The following EPHA6 variants were observed in gnomAD, a reference collection of about 807,000 sequenced individuals.
EPHA6 encodes ephrin type-A receptor 6.
Under a neutral mutation model 112.0 loss-of-function variants are expected in EPHA6, and 50 were observed. The observed-to-expected ratio is 0.45, with a 90% CI of 0.36 to 0.56. EPHA6 has a LOEUF of 0.56. Ranked by LOEUF, EPHA6 falls within the 20% of genes least tolerant of loss-of-function variation. EPHA6 has a pLI of 0.00. For missense variants in EPHA6, 1,280 were observed against 1,417.4 expected (o/e 0.90, Z 1.56); for synonymous variants, 529 against 490.7 (o/e 1.08, Z -1.03).
At chr3:97,455,644 TTA>T (rs975489717) in intron 7 of EPHA6, among the ~76,000 whole-genome samples, 1 of 152,052 alleles carries the variant, frequency 6.6e-6, no homozygotes, top group African/African-American at 2.4e-5. Flanking sequence ...AGAAGACTAT[TTA>T]TAAATCTCAG....
At chr3:97,011,233 G>T (rs1442103039) in intron 3 of EPHA6, among the ~76,000 whole-genome samples, 1 of 152,166 alleles carries the variant, frequency 6.6e-6, no homozygotes, top group Non-Finnish European at 1.5e-5. Flanking sequence ...AACTGTACAG[G>T]AGTGTGCATG....
intron 5 of EPHA6, among the ~76,000 whole-genome samples, chr3:97,334,478 C>CTTTTTT (rs1354125066): frequency 1.3e-4 from 17 of 128,044 alleles, no homozygotes; most frequent in African/African-American, 5.0e-4. Context: ...TTTTTTTCTT[C>CTTTTTT]TTTTTTTTTT....
At chr3:97,627,954 A>G (rs2093872432) in intron 13 of EPHA6, among the ~76,000 whole-genome samples, 2 of 152,096 alleles carry the variant, frequency 1.3e-5, no homozygotes, top group African/African-American at 4.8e-5. Context: ...AAGTTGGAAA[A>G]CTACTGAAAT....
chr3:97,714,389 C>A (rs1011665174), intron 14 of EPHA6, among the ~76,000 whole-genome samples: 1 of 152,122 alleles, frequency 6.6e-6, no homozygotes, highest in African/African-American at 2.4e-5. Flanking sequence ...TTCAAACTTT[C>A]TTCAAGTAAA....
At chr3:96,841,371 T>C (rs2107323915) in intron 1 of EPHA6, among the ~76,000 whole-genome samples, 1 of 152,204 alleles carries the variant, frequency 6.6e-6, no homozygotes, top group South Asian at 2.1e-4. Context: ...TTTAACTTAG[T>C]GGTATTGGGG....
intron 3 of EPHA6, among the ~76,000 whole-genome samples, chr3:97,040,687 T>A (rs1460854720): frequency 6.6e-6 from 1 of 152,110 alleles, no homozygotes; most frequent in African/African-American, 2.4e-5. Flanking sequence ...TGAAATAAAA[T>A]AGTTTTATTC....
chr3:97,379,246 T>C (rs1457358219), intron 5 of EPHA6, among the ~76,000 whole-genome samples: 1 of 152,184 alleles, frequency 6.6e-6, no homozygotes, highest in African/African-American at 2.4e-5. Context: ...TCCCCAGCCA[T>C]GTGGAACTGA....
chr3:97,696,019 C>G (rs140325330), intron 14 of EPHA6, among the ~76,000 whole-genome samples: 2 of 152,182 alleles, frequency 1.3e-5, no homozygotes, highest in African/African-American at 4.8e-5. Flanking sequence ...AAGATATTTA[C>G]CAAGTTGAAT....
chr3:97,531,161 G>T (rs1401530126), intron 10 of EPHA6, among the ~76,000 whole-genome samples: 1 of 151,874 alleles, frequency 6.6e-6, no homozygotes, highest in African/African-American at 2.4e-5. Context: ...ATCCTTATGG[G>T]AATGAGAGAT....
chr3:97,185,619 T>C (rs182842915), intron 3 of EPHA6, among the ~76,000 whole-genome samples: 3 of 152,052 alleles, frequency 2.0e-5, no homozygotes, highest in African/African-American at 4.8e-5. Context: ...TTGGTGGGAA[T>C]GTAAACTAGC....
chr3:96,823,423 T>C (rs1196773389), intron 1 of EPHA6, among the ~76,000 whole-genome samples: 1 of 151,852 alleles, frequency 6.6e-6, no homozygotes, highest in Non-Finnish European at 1.5e-5. Flanking sequence ...TACTCTGGCC[T>C]AGGTCCCTTG....
At chr3:97,362,522 T>C (rs886430010) in intron 5 of EPHA6, among the ~76,000 whole-genome samples, 1 of 152,052 alleles carries the variant, frequency 6.6e-6, no homozygotes, top group Admixed American at 6.6e-5. Context: ...AATAGTAATT[T>C]AAGAATGTTA....
At chr3:97,399,820 A>G (rs1215558778) in intron 5 of EPHA6, among the ~76,000 whole-genome samples, 1 of 151,540 alleles carries the variant, frequency 6.6e-6, no homozygotes, top group Non-Finnish European at 1.5e-5. Context: ...AGTTCCATGT[A>G]TAGTCCTTGA....
intron 11 of EPHA6, among the ~76,000 whole-genome samples, chr3:97,539,702 C>T (rs542440351): frequency 6.6e-6 from 1 of 152,196 alleles, no homozygotes; most frequent in Admixed American, 6.5e-5. Context: ...TAAATGGGTA[C>T]AAAAGTAAAT....
chr3:96,944,706 GT>G (rs1429135229), intron 2 of EPHA6, among the ~76,000 whole-genome samples: 1 of 152,174 alleles, frequency 6.6e-6, no homozygotes, highest in African/African-American at 2.4e-5. Context: ...TTTTTGGTAA[GT>G]AAAATGGTAA....
At chr3:96,878,970 AT>A (rs1209983470) in intron 2 of EPHA6, among the ~76,000 whole-genome samples, 1 of 152,056 alleles carries the variant, frequency 6.6e-6, no homozygotes, top group Non-Finnish European at 1.5e-5. Context: ...TAAATTGATT[AT>A]TATTTTGAGT....
chr3:97,189,767 A>ATG (rs1205870230), intron 3 of EPHA6, among the ~76,000 whole-genome samples: 2 of 152,142 alleles, frequency 1.3e-5, no homozygotes, highest in Non-Finnish European at 2.9e-5. Flanking sequence ...GTAGGTCATT[A>ATG]TGTGACTATG....
At chr3:97,566,463 A>G (rs2093268235) in intron 11 of EPHA6, among the ~76,000 whole-genome samples, 1 of 152,224 alleles carries the variant, frequency 6.6e-6, no homozygotes. Flanking sequence ...GCTAAAAATC[A>G]TATACTTGTT....
intron 10 of EPHA6, among the ~76,000 whole-genome samples, chr3:97,507,689 G>C (rs2092283154): frequency 6.6e-6 from 1 of 152,150 alleles, no homozygotes; most frequent in South Asian, 2.1e-4. Flanking sequence ...ATGACTTAGG[G>C]AGGAGTCCCT....
Sources: gnomAD v4.1 joint callset for allele counts (sites outside exome capture counted in the v4.1 genomes callset) on GRCh38, gnomAD v4.1.1 for gene constraint, MANE v1.5 for transcripts, NCBI Gene and HGNC (gene_info 2026-07-23, HGNC 2026-07-21) for gene names.